The following ZNF804B variants were observed in gnomAD, a reference collection of about 807,000 sequenced individuals.
ZNF804B encodes the protein zinc finger 804B.
Under a neutral mutation model 101.4 loss-of-function variants are expected in ZNF804B, and 80 were observed. The observed-to-expected ratio is 0.79, with a 90% CI of 0.66 to 0.95. The LOEUF (loss-of-function observed/expected upper bound fraction) is 0.95, where lower values mean the gene tolerates loss of function less well. Ranked by LOEUF, ZNF804B falls within the 40% of genes least tolerant of loss-of-function variation. The pLI is 0.00. For missense variants in ZNF804B, 1,673 were observed against 1,561.9 expected (o/e 1.07, Z -1.20); for synonymous variants, 622 against 558.8 (o/e 1.11, Z -1.59).
At chr7:89,250,037 A>T (rs1352567586) in intron 2 of ZNF804B, among the ~76,000 whole-genome samples, 3 of 151,986 alleles carry the variant, frequency 2.0e-5, no homozygotes, top group Non-Finnish European at 4.4e-5. Context: ...AATACAAAAA[A>T]ATTAGCCAGG....
chr7:88,904,499 T>C (rs1311594658), intron 1 of ZNF804B, among the ~76,000 whole-genome samples: 2 of 152,170 alleles, frequency 1.3e-5, no homozygotes, highest in Non-Finnish European at 1.5e-5. Flanking sequence ...ATTACATTGA[T>C]AGCTTGATAG....
chr7:88,926,943 C>CG (rs371226583), intron 1 of ZNF804B, among the ~76,000 whole-genome samples: 23 of 144,452 alleles, frequency 1.6e-4, no homozygotes, highest in African/African-American at 4.5e-4. Context: ...TGGTGGGGAG[C>CG]GGGGGGAAAG....
chr7:88,845,766 T>A (rs552509735), intron 1 of ZNF804B, among the ~76,000 whole-genome samples: 1 of 152,314 alleles, frequency 6.6e-6, no homozygotes, highest in Non-Finnish European at 1.5e-5. Context: ...ACAAGAACTT[T>A]CCAGTTTGCA....
chr7:88,929,181 T>A (rs1267189288), intron 1 of ZNF804B, among the ~76,000 whole-genome samples: 1 of 151,816 alleles, frequency 6.6e-6, no homozygotes, highest in Non-Finnish European at 1.5e-5. Context: ...TGGCCATCAA[T>A]AGAAATTTAA....
chr7:88,936,185 A>C (rs1792967260), intron 1 of ZNF804B, among the ~76,000 whole-genome samples: 1 of 151,944 alleles, frequency 6.6e-6, no homozygotes, highest in Non-Finnish European at 1.5e-5. Context: ...TTTAAGAATA[A>C]AAAAGTTAAA....
chr7:89,298,314 C>T (rs1790421852), intron 2 of ZNF804B, among the ~76,000 whole-genome samples: 2 of 135,908 alleles, frequency 1.5e-5, no homozygotes, highest in South Asian at 2.4e-4. Context: ...TAGGTATACA[C>T]GTGCCATGGT....
At chr7:89,319,410 C>G (rs1224545605) in intron 2 of ZNF804B, among the ~76,000 whole-genome samples, 3 of 152,016 alleles carry the variant, frequency 2.0e-5, no homozygotes, top group African/African-American at 7.3e-5. Flanking sequence ...AAACCAAAAA[C>G]TCAAAAACCC....
intron 1 of ZNF804B, among the ~76,000 whole-genome samples, chr7:88,974,167 G>T (rs1793579848): frequency 6.6e-6 from 1 of 151,254 alleles, no homozygotes; most frequent in South Asian, 2.1e-4. Context: ...GAAGAAAAGT[G>T]TTCAAGACAG....
intron 1 of ZNF804B, among the ~76,000 whole-genome samples, chr7:89,140,108 G>A (rs575004106): frequency 6.6e-6 from 1 of 152,128 alleles, no homozygotes; most frequent in East Asian, 1.9e-4. Context: ...CAGAGAAACA[G>A]GATGACCAAA....
chr7:89,018,753 T>C (rs936630677), intron 1 of ZNF804B, among the ~76,000 whole-genome samples: 3 of 152,028 alleles, frequency 2.0e-5, no homozygotes, highest in Admixed American at 6.6e-5. Context: ...AGAAATTTAC[T>C]TTTTCTCTAG....
intron 1 of ZNF804B, among the ~76,000 whole-genome samples, chr7:88,842,180 C>T (rs542753091): frequency 6.6e-6 from 1 of 151,966 alleles, no homozygotes; most frequent in Admixed American, 6.6e-5. Context: ...TCTGATTTTC[C>T]CTAAGGTTGT....
At chr7:88,773,276 C>T (rs934676900) in intron 1 of ZNF804B, among the ~76,000 whole-genome samples, 15 of 152,184 alleles carry the variant, frequency 9.9e-5, no homozygotes, top group African/African-American at 3.1e-4. Flanking sequence ...GGGAGGCCCA[C>T]TTTAAAGAGT....
chr7:88,986,534 A>G (rs1417486039), intron 1 of ZNF804B, among the ~76,000 whole-genome samples: 1 of 152,088 alleles, frequency 6.6e-6, no homozygotes, highest in Non-Finnish European at 1.5e-5. Context: ...GTAAAAATAA[A>G]CTGTAGGAAT....
intron 1 of ZNF804B, among the ~76,000 whole-genome samples, chr7:88,875,426 GA>G (rs985780040): frequency 1.3e-5 from 2 of 151,630 alleles, no homozygotes; most frequent in African/African-American, 2.4e-5. Flanking sequence ...GACTAATAAA[GA>G]AAAAAAGAGA....
intron 1 of ZNF804B, among the ~76,000 whole-genome samples, chr7:89,116,767 A>T (rs766850318): frequency 1.3e-5 from 2 of 152,126 alleles, no homozygotes; most frequent in African/African-American, 2.4e-5. Flanking sequence ...TTATTGAGAG[A>T]TATTTTTTAC....
intron 1 of ZNF804B, among the ~76,000 whole-genome samples, chr7:88,854,399 CT>C (rs1791499275): frequency 2.1e-5 from 3 of 144,680 alleles, no homozygotes; most frequent in African/African-American, 8.3e-5. Flanking sequence ...TTCTTTCTTT[CT>C]TTCTTTCTTT....
intron 2 of ZNF804B, among the ~76,000 whole-genome samples, chr7:89,323,941 T>C (rs1790859442): frequency 6.6e-6 from 1 of 152,034 alleles, no homozygotes; most frequent in Admixed American, 6.6e-5. Context: ...AGTAAATGAG[T>C]TCTTGTCAGA....
chr7:88,795,520 T>C (rs1247035789), intron 1 of ZNF804B: 1 of 152,114 alleles, frequency 6.6e-6, no homozygotes, highest in Non-Finnish European at 1.5e-5. Flanking sequence ...GATTCATTTC[T>C]CCCCCCTTTA....
At chr7:89,082,870 G>C (rs1183246687) in intron 1 of ZNF804B, among the ~76,000 whole-genome samples, 1 of 151,624 alleles carries the variant, frequency 6.6e-6, no homozygotes, top group East Asian at 1.9e-4. Flanking sequence ...GACCTAAAGA[G>C]AATTTTTGTT....
Sources: allele counts gnomAD v4.1 joint callset (sites outside exome capture counted in the v4.1 genomes callset), GRCh38; gene constraint gnomAD v4.1.1; transcripts MANE v1.5; gene names NCBI Gene and HGNC (gene_info 2026-07-23, HGNC 2026-07-21).